RNF217: variants seen among roughly 807,000 people sequenced by gnomAD.
RNF217 encodes ring finger protein 217.
A neutral mutation model predicts 57.8 loss-of-function variants in RNF217; 31 were observed. The observed-to-expected ratio is 0.54, with a 90% CI of 0.40 to 0.72. The LOEUF (loss-of-function observed/expected upper bound fraction) is 0.72. RNF217 is among the 30% of genes least tolerant of loss of function. RNF217 has a pLI of 0.00. For missense variants in RNF217, 696 were observed against 708.3 expected (o/e 0.98, Z 0.20); for synonymous variants, 313 against 294.0 (o/e 1.06, Z -0.66).
At chr6:125,071,532 GTGTGTA>G (rs1250531747) in intron 3 of RNF217, among the ~76,000 whole-genome samples, 48 of 134,358 alleles carry the variant, frequency 3.6e-4, no homozygotes, top group South Asian at 6.7e-4. Flanking sequence ...GTGTGTGTGT[GTGTGTA>G]TATCTTATTA....
chr6:125,016,728 G>A (rs1785617253), intron 1 of RNF217, among the ~76,000 whole-genome samples: 2 of 145,736 alleles, frequency 1.4e-5, no homozygotes, highest in Admixed American at 1.5e-4. Context: ...AGTGGGAGCT[G>A]AACAATGACA....
intron 1 of RNF217, among the ~76,000 whole-genome samples, chr6:124,980,610 A>G (rs1784128700): frequency 6.6e-6 from 1 of 152,082 alleles, no homozygotes; most frequent in African/African-American, 2.4e-5. Flanking sequence ...CACATCCTCT[A>G]CCTTTAATGA....
intron 1 of RNF217, among the ~76,000 whole-genome samples, chr6:124,999,102 T>C (rs1463588918): frequency 2.0e-5 from 3 of 152,220 alleles, no homozygotes; most frequent in Non-Finnish European, 4.4e-5. Flanking sequence ...TTCGTGCCTC[T>C]AAAAAGCATA....
At chr6:125,019,563 C>G (rs538296243) in intron 1 of RNF217, among the ~76,000 whole-genome samples, 1 of 152,230 alleles carries the variant, frequency 6.6e-6, no homozygotes, top group African/African-American at 2.4e-5. Context: ...GCTTTCTATA[C>G]TAATTACAAA....
At chr6:125,008,547 C>T (rs1388460348) in intron 1 of RNF217, among the ~76,000 whole-genome samples, 1 of 152,130 alleles carries the variant, frequency 6.6e-6, no homozygotes, top group Non-Finnish European at 1.5e-5. Context: ...GTGATTCTTT[C>T]TCCACCCAGT....
In RNF217 at chr6:124,962,485, G is replaced by C; in HGVS notation, c.-60G>C. 2.3e-6 allele frequency: 2 copies of C among 867,850 alleles called. No individual in the cohort carries two copies. The highest frequency in any genetic ancestry group is 2.9e-6 in the Non-Finnish European group (2 of 688,080). 53.8% of individuals were successfully genotyped at this position (867,850 alleles called of 1,614,324 possible). On this transcript the variant is annotated 5_prime_UTR_variant, in exon 1 of 6. Coordinates refer to ENST00000521654, the MANE Select transcript of RNF217 (RefSeq NM_001286398.3). The surrounding 1 kb of genome is among the most constrained non-coding windows in gnomAD (Gnocchi z 4.6). ...CGAGCCACTGCCCCCGCTGCCCGCG[G>C]GCGCCGGGTGGGGGTCCCGGCGGCT...
intron 2 of RNF217, among the ~76,000 whole-genome samples, chr6:125,049,188 A>C (rs149855797): frequency 7.6e-4 from 116 of 152,172 alleles, no homozygotes; most frequent in African/African-American, 2.6e-3. Context: ...AGAAATAAAA[A>C]AATGTTGAAG....
intron 1 of RNF217, among the ~76,000 whole-genome samples, chr6:124,987,228 T>C (rs1784395625): frequency 6.6e-6 from 1 of 152,256 alleles, no homozygotes; most frequent in Non-Finnish European, 1.5e-5. Flanking sequence ...TATTGAAATA[T>C]GTTTCACATA....
chr6:124,980,049 T>G (rs1784104770), intron 1 of RNF217, among the ~76,000 whole-genome samples: 1 of 152,194 alleles, frequency 6.6e-6, no homozygotes, highest in African/African-American at 2.4e-5. Context: ...CAGCTGCAGT[T>G]TTTATCTTTC....
chr6:125,010,619 T>C (rs1785380072), intron 1 of RNF217, among the ~76,000 whole-genome samples: 1 of 152,220 alleles, frequency 6.6e-6, no homozygotes, highest in Admixed American at 6.5e-5. Context: ...ATAAAAATAG[T>C]TCGTTGTGTT....
At chr6:125,030,796 G>T (rs553301012) in intron 1 of RNF217, among the ~76,000 whole-genome samples, 40 of 152,228 alleles carry the variant, frequency 2.6e-4, no homozygotes, top group African/African-American at 8.7e-4. Context: ...TACCATTCTG[G>T]GGTCTGGAGG....
intron 1 of RNF217, among the ~76,000 whole-genome samples, chr6:125,012,942 AGTCTTTTTCATGG>A (rs1785464936): frequency 6.6e-6 from 1 of 152,178 alleles, no homozygotes; most frequent in Non-Finnish European, 1.5e-5. Context: ...TGAACAACCC[AGTCTTTTTCATGG>A]GTAGTTTTTC....
chr6:124,968,681 T>G (rs1783643628), intron 1 of RNF217, among the ~76,000 whole-genome samples: 1 of 152,192 alleles, frequency 6.6e-6, no homozygotes, highest in Non-Finnish European at 1.5e-5. Context: ...TTACAAGTAC[T>G]GCTGACCTAA....
At chr6:125,056,192 A>G (rs1025753532) in intron 2 of RNF217, among the ~76,000 whole-genome samples, 2 of 152,188 alleles carry the variant, frequency 1.3e-5, no homozygotes, top group Admixed American at 6.5e-5. Flanking sequence ...AGTGAAAATT[A>G]TGCTAAACTT....
chr6:125,010,268 A>G (rs920807819), intron 1 of RNF217, among the ~76,000 whole-genome samples: 1 of 152,122 alleles, frequency 6.6e-6, no homozygotes, highest in Non-Finnish European at 1.5e-5. Flanking sequence ...GAATTGCCAG[A>G]GTATAATAAT....
chr6:125,032,690 C>T (rs1420383292), intron 1 of RNF217, among the ~76,000 whole-genome samples: 1 of 151,998 alleles, frequency 6.6e-6, no homozygotes, highest in East Asian at 1.9e-4. Flanking sequence ...TGTATGTCTA[C>T]TTTATACTTT....
rs1788697975 is a variant in RNF217 at position 125,084,153 on chromosome 6, G to C, written c.*1216G>C. 1 of 151,758 alleles carries C rather than the reference G, an allele frequency of 6.6e-6. No individual in the cohort carries two copies. The highest frequency in any genetic ancestry group is 1.5e-5 in the Non-Finnish European group (1 of 67,892). The allele number at this position is 151,758 out of a possible 1,614,324, so 9.4% of individuals were successfully genotyped here. A position where few individuals can be genotyped will look rare whatever the true frequency, so the allele number is the denominator to read the frequency against. ...TTTCATAAAAACAAATACTAGTTTT[G>C]AAGGATTTTTTCTTACATTTAACTG... On this transcript the variant is annotated 3_prime_UTR_variant, in exon 6 of 6. Coordinates refer to ENST00000521654, the MANE Select transcript of RNF217 (RefSeq NM_001286398.3).
intron 1 of RNF217, among the ~76,000 whole-genome samples, chr6:125,044,248 A>T (rs1014751057): frequency 6.6e-6 from 1 of 152,040 alleles, no homozygotes; most frequent in Non-Finnish European, 1.5e-5. Flanking sequence ...TGGAGTTTTT[A>T]GTGCCTCCCT....
At chr6:124,997,783 T>C (rs1194066126) in intron 1 of RNF217, among the ~76,000 whole-genome samples, 1 of 152,184 alleles carries the variant, frequency 6.6e-6, no homozygotes, top group Non-Finnish European at 1.5e-5. Flanking sequence ...TTCTCACCTT[T>C]AGTTGTCTCT....
Sources: allele counts gnomAD v4.1 joint callset (sites outside exome capture counted in the v4.1 genomes callset), GRCh38; gene constraint gnomAD v4.1.1; non-coding constraint Gnocchi (gnomAD v3.1); transcripts MANE v1.5; gene names NCBI Gene and HGNC (gene_info 2026-07-23, HGNC 2026-07-21).